Variants in ASIC2 observed in about 807,000 individuals in gnomAD.
ASIC2 encodes the protein acid sensing ion channel subunit 2, also known as acid-sensing ion channel 2.
ASIC2 carries 25 observed loss-of-function variants against 57.3 expected under a neutral mutation model. The observed-to-expected ratio is 0.44, with a 90% CI of 0.32 to 0.61. ASIC2 has a LOEUF of 0.61. ASIC2 is among the 20% of genes least tolerant of loss of function. The pLI, the probability that ASIC2 is intolerant of heterozygous loss-of-function variation, is 0.06. For synonymous variants in ASIC2, 319 were observed against 307.5 expected, an observed-to-expected ratio of 1.04 and a Z score of -0.39; for missense variants, 641 against 738.1, an observed-to-expected ratio of 0.87 and a Z score of 1.52.
chr17:33,754,149 T>G (rs1291560358), intron 1 of ASIC2, among the ~76,000 whole-genome samples: 1 of 152,016 alleles, frequency 6.6e-6, no homozygotes, highest in Non-Finnish European at 1.5e-5. Context: ...CTTTATGGGG[T>G]AGGTTGTCTG....
At chr17:33,867,837 A>T (rs1467165403) in intron 1 of ASIC2, among the ~76,000 whole-genome samples, 1 of 152,226 alleles carries the variant, frequency 6.6e-6, no homozygotes, top group Admixed American at 6.5e-5. Flanking sequence ...AAGTGCAAAA[A>T]GAAATGTGAA....
intron 1 of ASIC2, among the ~76,000 whole-genome samples, chr17:33,832,843 A>C (rs912988625): frequency 6.6e-6 from 1 of 152,206 alleles, no homozygotes; most frequent in Non-Finnish European, 1.5e-5. Flanking sequence ...GGCCCTTCGG[A>C]AGGCAGGCAC....
At chr17:33,883,264 G>T (rs1186114439) in intron 1 of ASIC2, among the ~76,000 whole-genome samples, 1 of 152,054 alleles carries the variant, frequency 6.6e-6, no homozygotes, top group African/African-American at 2.4e-5. Context: ...AATAAAAAAA[G>T]TCTGATGAAT....
At chr17:33,862,922 C>G (rs1914135404) in intron 1 of ASIC2, among the ~76,000 whole-genome samples, 2 of 152,168 alleles carry the variant, frequency 1.3e-5, no homozygotes, top group Non-Finnish European at 2.9e-5. Context: ...AGACTGCCCC[C>G]AGCTCTCAGA....
chr17:33,714,841 G>A (rs753659649), intron 1 of ASIC2, among the ~76,000 whole-genome samples: 3 of 143,972 alleles, frequency 2.1e-5, no homozygotes, highest in Admixed American at 1.4e-4. Flanking sequence ...TTGAGACAGG[G>A]TCTCACTCTG....
chr17:33,970,111 T>A (rs111720845), intron 1 of ASIC2, among the ~76,000 whole-genome samples: 3,702 of 152,248 alleles, frequency 0.024, 122 homozygotes, highest in African/African-American at 0.069. Flanking sequence ...GGCTCATTAA[T>A]TCTTTGTTGT....
intron 1 of ASIC2, among the ~76,000 whole-genome samples, chr17:33,119,049 A>C (rs759372025): frequency 2.6e-5 from 4 of 152,200 alleles, no homozygotes; most frequent in Non-Finnish European, 5.9e-5. Context: ...TAGTGCAAAC[A>C]ACATTTCTAC....
intron 1 of ASIC2, among the ~76,000 whole-genome samples, chr17:33,608,986 TAGTG>T (rs1341494570): frequency 6.6e-6 from 1 of 152,150 alleles, no homozygotes; most frequent in Non-Finnish European, 1.5e-5. Flanking sequence ...TCTGCCCTGA[TAGTG>T]AGAATCATGG....
chr17:34,062,999 A>T (rs1380233648), intron 1 of ASIC2, among the ~76,000 whole-genome samples: 1 of 152,156 alleles, frequency 6.6e-6, no homozygotes, highest in East Asian at 1.9e-4. Context: ...GAAAGAAGGA[A>T]CCCTCCTTAA....
chr17:33,328,897 G>C (rs570778108), intron 1 of ASIC2, among the ~76,000 whole-genome samples: 17 of 152,164 alleles, frequency 1.1e-4, no homozygotes, highest in African/African-American at 2.4e-5. Context: ...GCTAAATATA[G>C]TGATTATGTG....
At chr17:33,211,542 A>G (rs1233143650) in intron 1 of ASIC2, among the ~76,000 whole-genome samples, 1 of 151,978 alleles carries the variant, frequency 6.6e-6, no homozygotes, top group Non-Finnish European at 1.5e-5. Context: ...AAATGAAAAA[A>G]AAAAAAAAAA....
chr17:33,650,558 G>A (rs967770682), intron 1 of ASIC2, among the ~76,000 whole-genome samples: 1 of 152,152 alleles, frequency 6.6e-6, no homozygotes, highest in Non-Finnish European at 1.5e-5. Flanking sequence ...TCGTAATAGC[G>A]AAAACCTGAA....
intron 1 of ASIC2, among the ~76,000 whole-genome samples, chr17:33,724,583 GAC>G (rs1242505813): frequency 6.6e-6 from 1 of 152,156 alleles, no homozygotes; most frequent in Admixed American, 6.5e-5. Flanking sequence ...GGGATGCCAG[GAC>G]AATTGGGAAT....
intron 1 of ASIC2, among the ~76,000 whole-genome samples, chr17:33,801,388 C>T (rs530287796): frequency 6.6e-6 from 1 of 152,302 alleles, no homozygotes; most frequent in East Asian, 1.9e-4. Flanking sequence ...GCTCCAGCTT[C>T]TAAATACCCT....
In ASIC2 at chr17:33,166,574, T is replaced by C. The variant is rs1322482869; in HGVS notation, c.709-54507A>G. ...TGCAGGTGTTATTGAGGTCCTAGCA[T>C]GCCTCATACCACAGGACCCCTGGGT... On this transcript the variant is annotated intron_variant, in intron 1 of 9. Transcript: ENST00000225823. 3.3e-5 allele frequency among the ~76,000 whole-genome samples: 5 copies of C among 152,314 alleles called. No homozygotes were observed. The East Asian group carries it at 9.7e-4, about 29-fold the overall frequency.
At chr17:33,229,798 C>T (rs1024695180) in intron 1 of ASIC2, among the ~76,000 whole-genome samples, 5 of 152,202 alleles carry the variant, frequency 3.3e-5, no homozygotes, top group African/African-American at 9.6e-5. Context: ...GTACAATGAG[C>T]GAATCAGATT....
At chr17:33,590,403 G>A (rs1350599616) in intron 1 of ASIC2, among the ~76,000 whole-genome samples, 5 of 152,158 alleles carry the variant, frequency 3.3e-5, no homozygotes, top group Non-Finnish European at 7.3e-5. Context: ...AGGAAGCAAA[G>A]GGGGAGTCAT....
At chr17:33,415,827 C>T (rs1336930912) in intron 1 of ASIC2, among the ~76,000 whole-genome samples, 1 of 152,234 alleles carries the variant, frequency 6.6e-6, no homozygotes, top group African/African-American at 2.4e-5. Flanking sequence ...TGCAGTTAGA[C>T]ATCTTCTTGA....
intron 1 of ASIC2, among the ~76,000 whole-genome samples, chr17:34,080,110 C>G (rs1909822622): frequency 6.6e-6 from 1 of 152,184 alleles, no homozygotes; most frequent in Admixed American, 6.5e-5. Flanking sequence ...CAAGAGCTAT[C>G]CACCTAGCTT....
Sources: gnomAD v4.1 joint callset for allele counts (sites outside exome capture counted in the v4.1 genomes callset) on GRCh38, gnomAD v4.1.1 for gene constraint, MANE v1.5 for transcripts, NCBI Gene and HGNC (gene_info 2026-07-23, HGNC 2026-07-21) for gene names.